Variants in GLIS3 observed in about 807,000 individuals in gnomAD.
GLIS3 encodes GLIS family zinc finger 3.
In GLIS3, 53 loss-of-function variants were observed where a neutral mutation model predicts 78.6. The observed-to-expected ratio is 0.67, with a 90% confidence interval of 0.54 to 0.85. The LOEUF (loss-of-function observed/expected upper bound fraction) is 0.85, where lower values mean the gene tolerates loss of function less well. Ranked by LOEUF, GLIS3 falls within the 40% of genes least tolerant of loss-of-function variation. The pLI is 0.00. For missense variants in GLIS3, 1,703 were observed against 1,231.1 expected (o/e 1.38, Z -5.74); for synonymous variants, 684 against 509.9 (o/e 1.34, Z -4.60).
intron 4 of GLIS3, among the ~76,000 whole-genome samples, chr9:3,970,574 G>A (rs1818305643): frequency 6.6e-6 from 1 of 152,102 alleles, no homozygotes; most frequent in African/African-American, 2.4e-5. Flanking sequence ...CCAGGATGCT[G>A]CTAATGCACA....
At chr9:4,160,578 C>A (rs955391639) in intron 2 of GLIS3, among the ~76,000 whole-genome samples, 98 of 152,342 alleles carry the variant, frequency 6.4e-4, no homozygotes, top group Admixed American at 2.2e-3. Flanking sequence ...TTTTCTGGAA[C>A]CAAATGAGTC....
chr9:3,916,488 G>A (rs1824522065), intron 6 of GLIS3, among the ~76,000 whole-genome samples: 1 of 152,232 alleles, frequency 6.6e-6, no homozygotes, highest in East Asian at 1.9e-4. Context: ...AAAGGAACTG[G>A]TCACTCGTGG....
the GLIS3 span, among the ~76,000 whole-genome samples, chr9:4,456,928 G>C: frequency 6.6e-6 from 1 of 152,086 alleles, no homozygotes; most frequent in African/African-American, 2.4e-5. Context: ...CACCATAACA[G>C]ATTAAATAAT....
chr9:3,972,592 A>G (rs1423349559), intron 4 of GLIS3, among the ~76,000 whole-genome samples: 1 of 152,132 alleles, frequency 6.6e-6, no homozygotes, highest in African/African-American at 2.4e-5. Context: ...CTGATAGATT[A>G]TCATAGGGTT....
the GLIS3 span, among the ~76,000 whole-genome samples, chr9:4,436,389 T>C: frequency 6.6e-6 from 1 of 152,186 alleles, no homozygotes; most frequent in African/African-American, 2.4e-5. Context: ...AACACGATAA[T>C]ATTCACATTC....
chr9:4,091,825 G>C (rs541068813), intron 4 of GLIS3, among the ~76,000 whole-genome samples: 1 of 152,084 alleles, frequency 6.6e-6, no homozygotes, highest in African/African-American at 2.4e-5. Flanking sequence ...ATAGCAGCGT[G>C]AGAAACAGAA....
chr9:4,384,038 T>G, the GLIS3 span, among the ~76,000 whole-genome samples: 10,773 of 152,268 alleles, frequency 0.071, 1,196 homozygotes, highest in African/African-American at 0.24. Context: ...ATCAGTCATG[T>G]CATTTATAGG....
At chr9:4,452,332 G>A in the GLIS3 span, among the ~76,000 whole-genome samples, 2 of 152,104 alleles carry the variant, frequency 1.3e-5, no homozygotes, top group Non-Finnish European at 2.9e-5. Flanking sequence ...GGGAAGTCAG[G>A]CAAGAGAAAG....
the GLIS3 span, among the ~76,000 whole-genome samples, chr9:4,400,105 G>C: frequency 6.6e-5 from 10 of 152,196 alleles, no homozygotes; most frequent in Non-Finnish European, 1.2e-4. Flanking sequence ...AGGACCAGGA[G>C]TATCATTGGT....
chr9:4,398,941 CCT>C, the GLIS3 span, among the ~76,000 whole-genome samples: 1 of 152,188 alleles, frequency 6.6e-6, no homozygotes, highest in Non-Finnish European at 1.5e-5. Flanking sequence ...CCTACCTTGG[CCT>C]CTCAAAGTGC....
chr9:4,450,272 ATAAAG>A, the GLIS3 span, among the ~76,000 whole-genome samples: 1 of 152,230 alleles, frequency 6.6e-6, no homozygotes, highest in African/African-American at 2.4e-5. Flanking sequence ...AATTAATGAA[ATAAAG>A]TGAGAGGAGA....
chr9:4,058,077 T>TC (rs934653498), intron 4 of GLIS3, among the ~76,000 whole-genome samples: 1 of 152,070 alleles, frequency 6.6e-6, no homozygotes, highest in African/African-American at 2.4e-5. Context: ...AAAGAGAACA[T>TC]CCCCTGATGC....
intron 2 of GLIS3, among the ~76,000 whole-genome samples, chr9:4,233,471 T>G (rs1563800045): frequency 1.3e-5 from 2 of 152,332 alleles, no homozygotes; most frequent in East Asian, 3.9e-4. Flanking sequence ...TGTTAATGAC[T>G]AGTAATATTT....
chr9:4,121,096 A>T (rs1246006633), intron 3 of GLIS3, among the ~76,000 whole-genome samples: 1 of 152,252 alleles, frequency 6.6e-6, no homozygotes, highest in Non-Finnish European at 1.5e-5. Flanking sequence ...TATTAATATG[A>T]ACAGAGAACT....
chr9:4,204,895 C>A (rs11794523), intron 2 of GLIS3, among the ~76,000 whole-genome samples: 1 of 145,006 alleles, frequency 6.9e-6, no homozygotes, highest in African/African-American at 2.5e-5. Context: ...GCCTGGGTGA[C>A]AAAGCAAAGC....
chr9:4,118,596 G>A lies in GLIS3; in HGVS notation c.882C>T (p.His294=), dbSNP rs749806764. The part of the protein sequence containing the change: ...PSPRHSSTRS[H]SARSKKRALS... ...GCGCTCTCTTCTTGGAGCGGGCCGA[G>A]TGGGACCTGGTGGATGAGTGCCGAG... The change falls in exon 4 of 11, where the codon CAC becomes CAT. Residue 294 remains histidine, a synonymous_variant. Transcript: ENST00000381971. This position sits in a 1 kb window ranked among gnomAD's most constrained non-coding sequence, Gnocchi z 4.7. The A allele has an allele frequency of 5.0e-6, 8 of 1,614,246 alleles. No homozygotes were observed.
the GLIS3 span, among the ~76,000 whole-genome samples, chr9:4,405,985 T>G: frequency 1.3e-5 from 2 of 152,246 alleles, no homozygotes; most frequent in Non-Finnish European, 2.9e-5. Context: ...TTTCAATGGA[T>G]GCTGAAAAAG....
intron 2 of GLIS3, among the ~76,000 whole-genome samples, chr9:4,162,332 AT>A (rs1390863481): frequency 6.6e-6 from 1 of 152,126 alleles, no homozygotes; most frequent in Non-Finnish European, 1.5e-5. Context: ...CAAAAGTCAC[AT>A]TCTGAGGTTC....
the GLIS3 span, among the ~76,000 whole-genome samples, chr9:4,400,002 T>C: frequency 4.0e-4 from 61 of 152,178 alleles, no homozygotes; most frequent in African/African-American, 6.0e-4. Flanking sequence ...AGTGAGGAGA[T>C]TGGGCAATGG....
Sources: allele counts gnomAD v4.1 joint callset (sites outside exome capture counted in the v4.1 genomes callset), GRCh38; gene constraint gnomAD v4.1.1; non-coding constraint Gnocchi (gnomAD v3.1); transcripts MANE v1.5; gene names NCBI Gene and HGNC (gene_info 2026-07-23, HGNC 2026-07-21).